The following DENND2B variants were observed in gnomAD, a reference collection of about 807,000 sequenced individuals.
DENND2B encodes the protein DENN domain-containing protein 2B.
A neutral mutation model predicts 116.0 loss-of-function variants in DENND2B; 32 were observed. That is an observed-to-expected ratio of 0.28 (90% CI 0.21 to 0.37). The LOEUF is 0.37. DENND2B is among the 10% of genes least tolerant of loss of function. The pLI is 1.00. For synonymous variants in DENND2B, 588 were observed against 583.9 expected (o/e 1.01, Z -0.10); for missense variants, 1,276 against 1,477.7 (o/e 0.86, Z 2.24).
chr11:8,888,426 C>T (rs1319026113), intron 1 of DENND2B, among the ~76,000 whole-genome samples: 1 of 152,050 alleles, frequency 6.6e-6, no homozygotes, highest in Non-Finnish European at 1.5e-5. Flanking sequence ...AAAATTAACT[C>T]AAAATGAATC....
chr11:8,726,334 C>G, intron 3 of DENND2B, 125 bp from the exon 4 acceptor site: 1 of 1,292,818 alleles, frequency 7.7e-7, no homozygotes, highest in Non-Finnish European at 1.0e-6. Context: ...GAAAGAGCAT[C>G]AAGGTGGGTC....
intron 1 of DENND2B, among the ~76,000 whole-genome samples, chr11:8,807,620 G>T (rs533305029): frequency 6.6e-6 from 1 of 152,292 alleles, no homozygotes; most frequent in African/African-American, 2.4e-5. Context: ...AAGCGGAGTA[G>T]AAGGAGGAAA....
At position 8,712,288 on chromosome 11, in the gene DENND2B, A is replaced by G. The variant is rs887244497; in HGVS notation, c.2172+263T>C. ...TGTATACATTAAGTGGGTGAACTGT[A>G]TGGTATTCAATTGTTCTGGATTTTA... is the stretch of plus-strand genomic sequence containing the variant. On this transcript the variant is annotated intron_variant, in intron 9 of 19. Transcript: ENST00000313726. The surrounding 1 kb of genome is among the most constrained non-coding windows in gnomAD (Gnocchi z 4.4). 2.6e-5 allele frequency among the ~76,000 whole-genome samples: 4 copies of G among 152,332 alleles called. 1 individual carries two copies. Among genetic ancestry groups the G allele is most frequent in the Admixed American group, 6.5e-5 (1 of 15,306 alleles).
intron 1 of DENND2B, among the ~76,000 whole-genome samples, chr11:8,792,402 G>C (rs985600512): frequency 3.2e-4 from 49 of 152,212 alleles, no homozygotes; most frequent in Admixed American, 1.1e-3. Flanking sequence ...CGAGAAGCGA[G>C]ATGAGGGGAA....
chr11:8,826,060 C>T (rs1423863129), intron 4 of DENND2B, among the ~76,000 whole-genome samples: 2 of 152,148 alleles, frequency 1.3e-5, no homozygotes, highest in Admixed American at 6.5e-5. Context: ...GAAGATAACA[C>T]GTCTGATTCA....
rs2052229523 is a variant in DENND2B, at chr11:8,750,707, T to C, written c.-7A>G. The C allele has an allele frequency of 1.2e-6, 2 of 1,614,034 alleles. No individual in the cohort carries two copies. Among genetic ancestry groups the C allele is most frequent in the South Asian group, 2.2e-5 (2 of 91,092 alleles). On this transcript the variant is annotated 5_prime_UTR_variant, in exon 2 of 20. Coordinates refer to ENST00000313726, the MANE Select transcript of DENND2B (RefSeq NM_213618.2). ...TGTTGGCAGTCATGGTCATTTCGGC[T>C]CTCTGCAAACCCAGAGCCCTGCAAA...
chr11:8,766,467 C>A (rs761989572), intron 1 of DENND2B, among the ~76,000 whole-genome samples: 1 of 152,178 alleles, frequency 6.6e-6, no homozygotes, highest in Admixed American at 6.5e-5. Context: ...AGAAGCCTGC[C>A]GGCCAGCAGG....
intron 4 of DENND2B, among the ~76,000 whole-genome samples, chr11:8,720,382 G>C (rs549418224): frequency 1.3e-5 from 2 of 152,250 alleles, no homozygotes; most frequent in East Asian, 3.9e-4. Flanking sequence ...GGAAGTAATA[G>C]ATGTACAAGC....
intron 17 of DENND2B, among the ~76,000 whole-genome samples, 186 bp downstream of exon 17, chr11:8,697,339 T>A (rs938206811): frequency 2.0e-5 from 3 of 152,282 alleles, no homozygotes; most frequent in African/African-American, 7.2e-5. Context: ...TCTTTGGGGT[T>A]GCCACATGTC....
rs1019454766 is a variant in DENND2B, at chr11:8,694,102, C to T, written c.3408G>A (p.Lys1136=). 9 of 1,614,136 alleles carry T rather than the reference C, an allele frequency of 5.6e-6. No individual in the cohort carries two copies. Among genetic ancestry groups the T allele is most frequent in the Non-Finnish European group, 7.6e-6 (9 of 1,180,036 alleles). The change falls in exon 20 of 20, where the codon AAG becomes AAA. Residue 1136 remains lysine (K), a synonymous_variant. Coordinates refer to ENST00000313726, the MANE Select transcript of DENND2B (RefSeq NM_213618.2). ...CTGCTACTGAGAAGGAGGCTTAATT[C>T]TTCTTGTGGAGAAACTTCATTTTGT... ...LGNKMKFLHK[K]N is the part of the protein sequence containing the mutation.
intron 13 of DENND2B, among the ~76,000 whole-genome samples, chr11:8,705,882 C>T (rs1257432169): frequency 8.5e-5 from 13 of 152,256 alleles, no homozygotes; most frequent in Admixed American, 8.5e-4. Context: ...AGTGCCACAA[C>T]AGTATCCCTG....
At chr11:8,858,723 G>C (rs1594268141) in intron 2 of DENND2B, among the ~76,000 whole-genome samples, 1 of 152,338 alleles carries the variant, frequency 6.6e-6, no homozygotes, top group South Asian at 2.1e-4. Context: ...GCCAGGACCA[G>C]CTGAGGATGG....
At chr11:8,711,064 C>T (rs372927948) in intron 10 of DENND2B, 58 bp downstream of exon 10, 69 of 1,587,352 alleles carry the variant, frequency 4.3e-5, no homozygotes, top group African/African-American at 2.0e-4. Context: ...CAGGTGCCCA[C>T]GCTATGGGGG....
chr11:8,833,178 C>CT (rs760125068), intron 4 of DENND2B, among the ~76,000 whole-genome samples: 15 of 152,094 alleles, frequency 9.9e-5, no homozygotes, highest in Non-Finnish European at 1.9e-4. Flanking sequence ...GGTCATAAGG[C>CT]TTTTTTTAGT....
At chr11:8,760,761 C>T (rs775392706) in intron 1 of DENND2B, among the ~76,000 whole-genome samples, 6 of 152,170 alleles carry the variant, frequency 3.9e-5, no homozygotes, top group Non-Finnish European at 5.9e-5. Context: ...ATTCCAGCCC[C>T]AGGTCCAGAA....
At chr11:8,888,510 A>G (rs1489134893) in intron 1 of DENND2B, among the ~76,000 whole-genome samples, 1 of 152,216 alleles carries the variant, frequency 6.6e-6, no homozygotes, top group African/African-American at 2.4e-5. Context: ...CAAAACGTTG[A>G]ATTGGCAATC....
At chr11:8,729,775 A>C (rs1052918560) in intron 3 of DENND2B, among the ~76,000 whole-genome samples, 175 bp downstream of exon 3, 2 of 152,010 alleles carry the variant, frequency 1.3e-5, no homozygotes, top group East Asian at 3.9e-4. Flanking sequence ...AGTATCTTGT[A>C]AGAGCAGAAC....
rs761677652 is a variant in DENND2B at position 8,731,081 on chromosome 11, C to T, written c.209G>A (p.Arg70Gln). The change falls in exon 3 of 20, where the codon CGG becomes CAG. Residue 70 changes from arginine to glutamine, a missense_variant. By Grantham distance (43) the Arg-to-Gln change is conservative (BLOSUM62 1). This residue lies in a region of DENND2B where 856 missense variants were observed against 846.6 expected (regional missense o/e 1.01). Coordinates refer to ENST00000313726, the MANE Select transcript of DENND2B (RefSeq NM_213618.2). ...CTGGGGTGAAGGAGCTGGGGGGTGC[C>T]GGTCCTTGAGGAGCACCCGGGAGCT... ...HSSSRVLLKDRHPPAPSPQNP... is the reference protein window; with the variant it reads ...HSSSRVLLKDQHPPAPSPQNP... 21 of 1,612,410 alleles carry T rather than the reference C, an allele frequency of 1.3e-5. No individual in the cohort carries two copies. The highest frequency in any genetic ancestry group is 1.6e-4 in the Middle Eastern group (1 of 6,068).
chr11:8,707,758 G>A lies in DENND2B; in HGVS notation c.2430+19C>T. The A allele has an allele frequency of 1.3e-6, 2 of 1,594,414 alleles. No homozygotes were observed. Among genetic ancestry groups the A allele is most frequent in the South Asian group, 1.1e-5 (1 of 88,030 alleles). On this transcript the variant is annotated intron_variant, in intron 12 of 19. Coordinates refer to ENST00000313726, the MANE Select transcript of DENND2B (RefSeq NM_213618.2). The surrounding 1 kb of genome is among the most constrained non-coding windows in gnomAD (Gnocchi z 4.8). ...TGTCAGCTGGGGGACGGGGAGGGAAGCCTGCCAGAGCCTCTTACCTTGGAA... is the reference window on the plus strand; with the variant it reads ...TGTCAGCTGGGGGACGGGGAGGGAAACCTGCCAGAGCCTCTTACCTTGGAA...
Sources: gnomAD v4.1 joint callset for allele counts (sites outside exome capture counted in the v4.1 genomes callset) on GRCh38, gnomAD v4.1.1 for gene constraint, gnomAD v4.1.1 regional missense constraint, Gnocchi (gnomAD v3.1) non-coding constraint, MANE v1.5 for transcripts, NCBI Gene and HGNC (gene_info 2026-07-23, HGNC 2026-07-21) for gene names.